The following SNX29 variants were observed in gnomAD, a reference collection of about 807,000 sequenced individuals.
SNX29 encodes the protein sorting nexin 29, also known as sorting nexin-29.
SNX29 carries 78 observed loss-of-function variants against 102.1 expected under a neutral mutation model. The ratio of observed to expected loss-of-function variants is 0.76; its 90% CI spans 0.64 to 0.92. The LOEUF is 0.92. Among genes scored for constraint, SNX29 ranks in the 40% least tolerant of loss-of-function variants. The probability of loss-of-function intolerance (pLI) is 0.00; values close to 1 mark genes in which losing one functional copy is unlikely to be tolerated. For missense variants in SNX29, 1,280 were observed against 1,061.7 expected (o/e 1.21, Z -2.86); for synonymous variants, 580 against 414.5 (o/e 1.40, Z -4.85).
At chr16:12,420,683 A>G (rs1427936881) in intron 18 of SNX29, among the ~76,000 whole-genome samples, 1 of 152,220 alleles carries the variant, frequency 6.6e-6, no homozygotes, top group African/African-American at 2.4e-5. Flanking sequence ...GGATTAAATG[A>G]GATGATAGAG....
intron 15 of SNX29, among the ~76,000 whole-genome samples, chr16:12,316,321 G>C (rs1274631141): frequency 6.6e-6 from 1 of 152,148 alleles, no homozygotes; most frequent in African/African-American, 2.4e-5. Flanking sequence ...GAGGTGGGTG[G>C]ATCACGAGGT....
intron 20 of SNX29, among the ~76,000 whole-genome samples, chr16:12,540,070 T>TA (rs1567675706): frequency 3.9e-5 from 6 of 152,246 alleles, no homozygotes; most frequent in Non-Finnish European, 5.9e-5. Context: ...ATGCTTTTGG[T>TA]GTCATGTCTA....
chr16:12,311,892 C>T (rs1429250833), intron 15 of SNX29, among the ~76,000 whole-genome samples: 4 of 152,170 alleles, frequency 2.6e-5, no homozygotes, highest in African/African-American at 9.7e-5. Context: ...TTATCTCTAT[C>T]TTTGCATAAA....
At chr16:11,996,516 A>AT (rs1267413182) in intron 1 of SNX29, among the ~76,000 whole-genome samples, 2 of 152,096 alleles carry the variant, frequency 1.3e-5, no homozygotes, top group Non-Finnish European at 2.9e-5. Context: ...TTCTTTGTAC[A>AT]TTTTTTCCTG....
At chr16:12,395,408 G>A (rs2083683327) in intron 16 of SNX29, among the ~76,000 whole-genome samples, 1 of 152,230 alleles carries the variant, frequency 6.6e-6, no homozygotes, top group South Asian at 2.1e-4. Flanking sequence ...TGGATTCCCC[G>A]TTGGTCTCAT....
chr16:12,353,141 A>G, intron 15 of SNX29, among the ~76,000 whole-genome samples: 1 of 152,148 alleles, frequency 6.6e-6, no homozygotes, highest in Admixed American at 6.5e-5. Context: ...AAGGATGTGA[A>G]CTGTGTGGCT....
chr16:12,418,283 C>T (rs1228083198), intron 18 of SNX29, among the ~76,000 whole-genome samples: 2 of 152,116 alleles, frequency 1.3e-5, no homozygotes, highest in African/African-American at 4.8e-5. Flanking sequence ...GTCCTTCCTC[C>T]AGATTAACCT....
At chr16:12,525,700 C>CCT in intron 20 of SNX29, among the ~76,000 whole-genome samples, 1 of 96,308 alleles carries the variant, frequency 1.0e-5, no homozygotes, top group South Asian at 4.7e-4. Flanking sequence ...CCCCCCCCAC[C>CCT]CCCCCCCCCA....
At chr16:12,016,609 A>G (rs551428863) in intron 3 of SNX29, among the ~76,000 whole-genome samples, 2 of 152,198 alleles carry the variant, frequency 1.3e-5, no homozygotes, top group Admixed American at 6.5e-5. Context: ...TATTTTAGCC[A>G]TTCTGATAGG....
chr16:12,555,632 G>C (rs572741413), intron 20 of SNX29, among the ~76,000 whole-genome samples: 1 of 151,924 alleles, frequency 6.6e-6, no homozygotes, highest in Non-Finnish European at 1.5e-5. Flanking sequence ...CCACACCTGA[G>C]TAACCCCACT....
chr16:12,268,511 C>G (rs2079000307), intron 14 of SNX29, among the ~76,000 whole-genome samples: 1 of 152,116 alleles, frequency 6.6e-6, no homozygotes, highest in African/African-American at 2.4e-5. Context: ...TTAGGAAGAC[C>G]ATTTCCTTTG....
intron 14 of SNX29, among the ~76,000 whole-genome samples, chr16:12,230,873 G>GTC (rs997507618): frequency 6.6e-6 from 1 of 152,012 alleles, no homozygotes; most frequent in African/African-American, 2.4e-5. Context: ...CTGAGATGGA[G>GTC]TCTCTCTCTG....
At chr16:12,029,889 G>T (rs548421248) in intron 4 of SNX29, among the ~76,000 whole-genome samples, 8 of 152,264 alleles carry the variant, frequency 5.3e-5, no homozygotes, top group African/African-American at 1.9e-4. Context: ...ACCACGCCTG[G>T]CTGGAATTTG....
chr16:12,432,957 A>C (rs1482466970), intron 18 of SNX29, among the ~76,000 whole-genome samples: 1 of 152,212 alleles, frequency 6.6e-6, no homozygotes, highest in Admixed American at 6.5e-5. Context: ...GGGTAGTGTG[A>C]TGCCGGGCCT....
chr16:12,563,427 G>T (rs67863615), intron 20 of SNX29, among the ~76,000 whole-genome samples: 54 of 152,038 alleles, frequency 3.6e-4, no homozygotes, highest in Non-Finnish European at 6.8e-4. Flanking sequence ...TGTTCCTTGC[G>T]GTATGTCCTT....
At chr16:12,389,427 T>G (rs931998394) in intron 16 of SNX29, among the ~76,000 whole-genome samples, 3 of 152,166 alleles carry the variant, frequency 2.0e-5, no homozygotes, top group Admixed American at 6.5e-5. Context: ...GAGGGTTTTA[T>G]AAGGAGTTTC....
chr16:12,131,785 A>G (rs2054478224), intron 13 of SNX29, among the ~76,000 whole-genome samples: 2 of 152,188 alleles, frequency 1.3e-5, no homozygotes, highest in Non-Finnish European at 2.9e-5. Context: ...AGATGCTGTG[A>G]ATGGCTCTAA....
chr16:12,563,651 A>G lies in SNX29; in HGVS notation c.2319-4855A>G, dbSNP rs555311298. Among the ~76,000 whole-genome samples, 7 of 152,202 alleles carry G rather than the reference A, an allele frequency of 4.6e-5. No individual in the cohort carries two copies. In the East Asian group the frequency reaches 9.7e-4, roughly 21 times the overall value. The stretch of plus-strand genomic sequence containing the variant: ...TCCTGGCCCCAGAAGGTAGGAACTG[A>G]GTCTTTTCAATTCCCCGAGAGCCCA... On this transcript the variant is annotated intron_variant, in intron 20 of 20. Coordinates refer to ENST00000566228, the MANE Select transcript of SNX29 (RefSeq NM_032167.5).
At chr16:12,510,728 C>T (rs929808766) in intron 19 of SNX29, among the ~76,000 whole-genome samples, 1 of 151,990 alleles carries the variant, frequency 6.6e-6, no homozygotes, top group African/African-American at 2.4e-5. Context: ...CTCCTCTCCT[C>T]CCCCACCCCC....
Sources: gnomAD v4.1 joint callset for allele counts (sites outside exome capture counted in the v4.1 genomes callset) on GRCh38, gnomAD v4.1.1 for gene constraint, MANE v1.5 for transcripts, NCBI Gene and HGNC (gene_info 2026-07-23, HGNC 2026-07-21) for gene names.